The following ARHGEF10 variants were observed in gnomAD, a reference collection of about 807,000 sequenced individuals.
ARHGEF10 encodes the protein Rho guanine nucleotide exchange factor 10, also known as Rho guanine nucleotide exchange factor (GEF) 10.
Under a neutral mutation model 147.4 loss-of-function variants are expected in ARHGEF10, and 140 were observed. That is an observed-to-expected ratio of 0.95 (90% CI 0.83 to 1.09). The LOEUF is 1.09. Ranked by LOEUF, ARHGEF10 falls within the 50% of genes least tolerant of loss-of-function variation. The probability of loss-of-function intolerance (pLI) is 0.00; values close to 1 mark genes in which losing one functional copy is unlikely to be tolerated. For missense variants in ARHGEF10, 2,222 were observed against 1,752.7 expected, an observed-to-expected ratio of 1.27 and a Z score of -4.78; for synonymous variants, 902 against 695.8, an observed-to-expected ratio of 1.30 and a Z score of -4.67.
intron 2 of ARHGEF10, among the ~76,000 whole-genome samples, chr8:1,847,789 A>G (rs1269749001): frequency 6.6e-6 from 1 of 152,258 alleles, no homozygotes; most frequent in Non-Finnish European, 1.5e-5. Context: ...AACAGCCTTC[A>G]TTCAAAATAA....
intron 18 of ARHGEF10, among the ~76,000 whole-genome samples, chr8:1,917,925 T>A (rs1332652315): frequency 1.3e-5 from 2 of 151,742 alleles, no homozygotes; most frequent in Non-Finnish European, 2.9e-5. Flanking sequence ...ACTCAGAGTG[T>A]GTACCACCAT....
intron 4 of ARHGEF10, among the ~76,000 whole-genome samples, chr8:1,863,297 C>T (rs1231595209): frequency 6.6e-6 from 1 of 152,224 alleles, no homozygotes; most frequent in Non-Finnish European, 1.5e-5. Context: ...GTGTCTGTTG[C>T]TAGTCAGCAT....
intron 2 of ARHGEF10, among the ~76,000 whole-genome samples, chr8:1,849,808 C>CAT (rs1804897702): frequency 1.7e-5 from 2 of 115,500 alleles, no homozygotes; most frequent in African/African-American, 3.5e-5. Context: ...GGGCCGGCTG[C>CAT]GTGGACACAG....
chr8:1,888,057 GAGTGGGATGAGGGTTTA>G lies in ARHGEF10; in HGVS notation c.1182+2351_1182+2367del, dbSNP rs1563233148. 1.2e-3 allele frequency among the ~76,000 whole-genome samples: 159 copies of G among 130,238 alleles called. 4 individuals carry two copies. Among genetic ancestry groups the G allele is most frequent in the African/African-American group, 1.5e-3 (52 of 33,710 alleles). 85.4% of individuals were successfully genotyped at this position (130,238 alleles called of 152,430 possible). On this transcript the variant is annotated intron_variant, in intron 11 of 28. Coordinates refer to ENST00000349830, the MANE Select transcript of ARHGEF10 (RefSeq NM_014629.4). ...AGGGTGAGGGTTGTTAGGAGACAGT[GAGTGGGATGAGGGTTTA>G]TGAGGAGACACTAGGTAGGGTGAAT...
chr8:1,916,196 CTG>C (rs1563280120), intron 18 of ARHGEF10, among the ~76,000 whole-genome samples: 2 of 152,204 alleles, frequency 1.3e-5, no homozygotes, highest in African/African-American at 4.8e-5. Context: ...GGTCCTCTCT[CTG>C]TGTCCTAAGT....
At chr8:1,942,822 A>C (rs975850230) in intron 26 of ARHGEF10, among the ~76,000 whole-genome samples, 1 of 152,020 alleles carries the variant, frequency 6.6e-6, no homozygotes, top group Non-Finnish European at 1.5e-5. Context: ...TCAGTGAAAG[A>C]AGCCAGACAC....
chr8:1,866,503 C>G, intron 5 of ARHGEF10, 23 bp from the exon 6 acceptor site: 1 of 1,611,778 alleles, frequency 6.2e-7, no homozygotes, highest in Non-Finnish European at 8.5e-7. Context: ...GATATTCTGA[C>G]TTTATGGTTT....
intron 18 of ARHGEF10, among the ~76,000 whole-genome samples, chr8:1,920,062 G>C (rs535170252): frequency 8.1e-5 from 12 of 148,696 alleles, no homozygotes; most frequent in East Asian, 1.9e-4. Flanking sequence ...GTGGGTGATG[G>C]AGCTGTTCTG....
intron 6 of ARHGEF10, among the ~76,000 whole-genome samples, chr8:1,868,525 C>T (rs79636709): frequency 0.083 from 12,639 of 152,276 alleles, 742 homozygotes; most frequent in East Asian, 0.23. Context: ...TCATCTCATA[C>T]AGCACGGTTT....
chr8:1,894,206 A>G (rs1423734468), intron 12 of ARHGEF10, among the ~76,000 whole-genome samples, 187 bp from the exon 13 acceptor site: 1 of 150,902 alleles, frequency 6.6e-6, no homozygotes, highest in African/African-American at 2.4e-5. Context: ...TGAAGCAGCC[A>G]TGCCCCCATG....
At chr8:1,940,893 T>C (rs1373420065) in intron 26 of ARHGEF10, among the ~76,000 whole-genome samples, 1 of 152,222 alleles carries the variant, frequency 6.6e-6, no homozygotes, top group East Asian at 1.9e-4. Flanking sequence ...TCTCAATTGA[T>C]GCACAAAAAG....
chr8:1,916,140 C>T (rs1340284646), intron 18 of ARHGEF10, among the ~76,000 whole-genome samples: 1 of 152,206 alleles, frequency 6.6e-6, no homozygotes, highest in Non-Finnish European at 1.5e-5. Context: ...TAAGTGTGGA[C>T]GGCCAGCCCA....
At chr8:1,829,716 G>A (rs926904302) in intron 1 of ARHGEF10, among the ~76,000 whole-genome samples, 3 of 152,222 alleles carry the variant, frequency 2.0e-5, no homozygotes, top group African/African-American at 7.2e-5. Flanking sequence ...TCACTTTTCA[G>A]CTGCAGCTGG....
At chr8:1,931,081 C>T (rs1813103718) in intron 25 of ARHGEF10, among the ~76,000 whole-genome samples, 1 of 152,206 alleles carries the variant, frequency 6.6e-6, no homozygotes, top group Non-Finnish European at 1.5e-5. Context: ...TTGTCATTCA[C>T]CTGTTGTCAT....
At chr8:1,914,547 A>G (rs1811612753) in intron 18 of ARHGEF10, among the ~76,000 whole-genome samples, 1 of 152,208 alleles carries the variant, frequency 6.6e-6, no homozygotes, top group African/African-American at 2.4e-5. Context: ...TTATGCCTGT[A>G]AGAGTGAACT....
At chr8:1,956,348 C>T (rs1424859779) in intron 28 of ARHGEF10, among the ~76,000 whole-genome samples, 1 of 152,150 alleles carries the variant, frequency 6.6e-6, no homozygotes, top group Non-Finnish European at 1.5e-5. Context: ...CTTTCCCAAA[C>T]CAACACATTT....
chr8:1,939,601 G>A (rs914093475), intron 26 of ARHGEF10, among the ~76,000 whole-genome samples: 1 of 152,366 alleles, frequency 6.6e-6, no homozygotes, highest in Non-Finnish European at 1.5e-5. Context: ...AGGGCCCTCG[G>A]CAGCTGCCTA....
At chr8:1,953,904 C>T (rs1266161772) in intron 28 of ARHGEF10, among the ~76,000 whole-genome samples, 2 of 152,186 alleles carry the variant, frequency 1.3e-5, no homozygotes, top group African/African-American at 4.8e-5. Flanking sequence ...CTACGGGCTC[C>T]ATTTCTGTGA....
At chr8:1,856,774 G>A (rs191900398) in intron 2 of ARHGEF10, among the ~76,000 whole-genome samples, 4 of 152,184 alleles carry the variant, frequency 2.6e-5, no homozygotes, top group African/African-American at 7.2e-5. Context: ...GCTCTGTCCC[G>A]AGGTGCCACC....
Sources: allele counts gnomAD v4.1 joint callset (sites outside exome capture counted in the v4.1 genomes callset), GRCh38; gene constraint gnomAD v4.1.1; transcripts MANE v1.5; gene names NCBI Gene and HGNC (gene_info 2026-07-23, HGNC 2026-07-21).